The following IMMP2L variants were observed in gnomAD, a reference collection of about 807,000 sequenced individuals.
The protein encoded by IMMP2L is inner mitochondrial membrane peptidase subunit 2.
A neutral mutation model predicts 19.3 loss-of-function variants in IMMP2L; 18 were observed. The observed-to-expected ratio is 0.93, with a 90% CI of 0.64 to 1.38. The LOEUF (loss-of-function observed/expected upper bound fraction) is 1.38. Among genes scored for constraint, IMMP2L ranks in the 40% most tolerant of loss-of-function variants. The probability of loss-of-function intolerance (pLI) is 0.00; values close to 1 mark genes in which losing one functional copy is unlikely to be tolerated. For synonymous variants in IMMP2L, 76 were observed against 73.0 expected, an observed-to-expected ratio of 1.04 and a Z score of -0.21; for missense variants, 233 against 218.2, an observed-to-expected ratio of 1.07 and a Z score of -0.43.
intron 5 of IMMP2L, among the ~76,000 whole-genome samples, chr7:110,725,008 T>G (rs1345322678): frequency 7.2e-5 from 11 of 152,300 alleles, no homozygotes; most frequent in Admixed American, 6.5e-4. Flanking sequence ...GAGTATAGAA[T>G]AGCAAAGCTT....
chr7:110,688,886 A>T (rs1209476589), intron 5 of IMMP2L, among the ~76,000 whole-genome samples: 2 of 152,136 alleles, frequency 1.3e-5, no homozygotes, highest in Admixed American at 1.3e-4. Flanking sequence ...ATGTGTACAT[A>T]TGTATACACA....
At chr7:111,495,866 C>T (rs1201329549) in intron 2 of IMMP2L, among the ~76,000 whole-genome samples, 1 of 152,122 alleles carries the variant, frequency 6.6e-6, no homozygotes, top group African/African-American at 2.4e-5. Context: ...AAAAGCACCA[C>T]TCACACTGGC....
Position 111,123,926 on chromosome 7 carries a change from A to C in IMMP2L, c.240-160361T>G. 1 of 1,613,992 alleles carries C rather than the reference A, an allele frequency of 6.2e-7. No homozygotes were observed. Among genetic ancestry groups the C allele is most frequent in the South Asian group, 1.1e-5 (1 of 91,082 alleles). On this transcript the variant is annotated intron_variant, in intron 3 of 5. Coordinates refer to ENST00000405709, the MANE Select transcript of IMMP2L (RefSeq NM_032549.4). This position sits in a 1 kb window ranked among gnomAD's most constrained non-coding sequence, Gnocchi z 6.4. ...CGTTGGATGAACATGAACAAAACCA[A>C]CATTCGATTCATGGAGCCAGATTCA...
intron 3 of IMMP2L, among the ~76,000 whole-genome samples, chr7:111,147,092 T>C (rs1231399314): frequency 6.6e-6 from 1 of 152,180 alleles, no homozygotes; most frequent in Non-Finnish European, 1.5e-5. Context: ...TCTTAGATGC[T>C]AATCTTGTTT....
At chr7:111,419,190 G>T (rs556610465) in intron 3 of IMMP2L, among the ~76,000 whole-genome samples, 1 of 151,610 alleles carries the variant, frequency 6.6e-6, no homozygotes, top group African/African-American at 2.4e-5. Context: ...GAATATATTG[G>T]CAGACAAGAC....
intron 3 of IMMP2L, among the ~76,000 whole-genome samples, chr7:111,240,522 G>C (rs779413860): frequency 2.6e-4 from 39 of 151,902 alleles, no homozygotes; most frequent in Non-Finnish European, 4.9e-4. Flanking sequence ...GTGAGATGTA[G>C]TCAAGGCAAA....
chr7:111,085,765 G>C (rs1796263763), intron 3 of IMMP2L, among the ~76,000 whole-genome samples: 1 of 152,128 alleles, frequency 6.6e-6, no homozygotes, highest in South Asian at 2.1e-4. Flanking sequence ...ACTGGATAAA[G>C]AAAATGTGGT....
chr7:111,300,917 G>T (rs1584515513), intron 3 of IMMP2L, among the ~76,000 whole-genome samples: 5 of 152,216 alleles, frequency 3.3e-5, no homozygotes, highest in African/African-American at 1.2e-4. Context: ...ACAGGTTTTT[G>T]TTGGAACATA....
At chr7:110,817,125 G>C (rs183291390) in intron 5 of IMMP2L, among the ~76,000 whole-genome samples, 1 of 152,068 alleles carries the variant, frequency 6.6e-6, no homozygotes, top group East Asian at 1.9e-4. Context: ...AATTAGGCAG[G>C]AGAAGGAAAT....
intron 3 of IMMP2L, among the ~76,000 whole-genome samples, chr7:111,236,642 TTC>T (rs1386921289): frequency 6.6e-6 from 1 of 152,100 alleles, no homozygotes; most frequent in Non-Finnish European, 1.5e-5. Context: ...CTATATAGTT[TTC>T]TCTCTGTGCA....
chr7:110,798,674 T>C (rs144407527), intron 5 of IMMP2L, among the ~76,000 whole-genome samples: 25 of 152,094 alleles, frequency 1.6e-4, no homozygotes, highest in Admixed American at 1.6e-3. Context: ...AGGGGAATAC[T>C]AAGATCTGAG....
chr7:110,823,192 C>T (rs540277402), intron 5 of IMMP2L, among the ~76,000 whole-genome samples: 1 of 152,086 alleles, frequency 6.6e-6, no homozygotes, highest in South Asian at 2.1e-4. Context: ...CTTTATCTCC[C>T]AACATTATTC....
chr7:111,508,078 T>C (rs1427174264), intron 2 of IMMP2L, among the ~76,000 whole-genome samples: 1 of 152,176 alleles, frequency 6.6e-6, no homozygotes, highest in Non-Finnish European at 1.5e-5. Context: ...ACATATCTCA[T>C]ACTAAATGAA....
intron 3 of IMMP2L, among the ~76,000 whole-genome samples, chr7:111,314,385 G>A (rs897169399): frequency 2.0e-5 from 3 of 152,114 alleles, no homozygotes; most frequent in African/African-American, 7.2e-5. Flanking sequence ...ATATGCCGAA[G>A]AAAAGGTTAG....
At chr7:111,394,125 G>A (rs78162959) in intron 3 of IMMP2L, among the ~76,000 whole-genome samples, 4,202 of 151,844 alleles carry the variant, frequency 0.028, 196 homozygotes, top group African/African-American at 0.095. Flanking sequence ...TCTTACAGTC[G>A]ATAATATCAT....
At chr7:111,140,525 A>G (rs1232979926) in intron 3 of IMMP2L, among the ~76,000 whole-genome samples, 1 of 152,208 alleles carries the variant, frequency 6.6e-6, no homozygotes, top group African/African-American at 2.4e-5. Context: ...ATTTACTATC[A>G]TATTCACTGT....
intron 3 of IMMP2L, among the ~76,000 whole-genome samples, chr7:111,370,105 C>G (rs1329085142): frequency 6.6e-6 from 1 of 151,960 alleles, no homozygotes; most frequent in Admixed American, 6.6e-5. Flanking sequence ...CATTGTCGGT[C>G]AGATCTGAGT....
intron 4 of IMMP2L, among the ~76,000 whole-genome samples, chr7:110,919,524 T>C (rs1018094863): frequency 5.9e-5 from 9 of 152,206 alleles, no homozygotes; most frequent in Non-Finnish European, 1.2e-4. Context: ...GCGGGTATGC[T>C]TTCAAGCACC....
chr7:111,542,513 C>T (rs949775953), intron 1 of IMMP2L, among the ~76,000 whole-genome samples: 2 of 152,028 alleles, frequency 1.3e-5, no homozygotes, highest in African/African-American at 4.8e-5. Flanking sequence ...GAGCTGAATC[C>T]AGATTATTTG....
Sources: gnomAD v4.1 joint callset for allele counts (sites outside exome capture counted in the v4.1 genomes callset) on GRCh38, gnomAD v4.1.1 for gene constraint, Gnocchi (gnomAD v3.1) non-coding constraint, MANE v1.5 for transcripts, NCBI Gene and HGNC (gene_info 2026-07-23, HGNC 2026-07-21) for gene names.